The following QTMAN variants were observed in gnomAD, a reference collection of about 807,000 sequenced individuals.
The protein encoded by QTMAN is tRNA-queuosine alpha-mannosyltransferase.
chr2:144,233,518 G>A, the QTMAN span, among the ~76,000 whole-genome samples: 4 of 152,192 alleles, frequency 2.6e-5, no homozygotes, highest in Non-Finnish European at 4.4e-5. Flanking sequence ...GTGATGCTGT[G>A]AGGGTAGACC....
At chr2:144,229,357 G>T in the QTMAN span, among the ~76,000 whole-genome samples, 2 of 152,156 alleles carry the variant, frequency 1.3e-5, no homozygotes, top group African/African-American at 4.8e-5. Context: ...GCAATTCAAA[G>T]GAAAATTACA....
the QTMAN span, among the ~76,000 whole-genome samples, chr2:143,954,821 G>C: frequency 1.3e-5 from 2 of 151,464 alleles, no homozygotes; most frequent in Non-Finnish European, 2.9e-5. Context: ...CAATTCTTAG[G>C]CACTACCAGT....
chr2:144,026,387 A>G, the QTMAN span, among the ~76,000 whole-genome samples: 1 of 152,156 alleles, frequency 6.6e-6, no homozygotes, highest in Non-Finnish European at 1.5e-5. Context: ...GTGAGCCGAG[A>G]CTGCACCACT....
the QTMAN span, among the ~76,000 whole-genome samples, chr2:144,213,629 C>T: frequency 3.2e-4 from 49 of 152,226 alleles, no homozygotes; most frequent in African/African-American, 1.1e-3. Flanking sequence ...ATGGTTTTAA[C>T]GGTTTTGATC....
the QTMAN span, among the ~76,000 whole-genome samples, chr2:144,179,543 G>C: frequency 6.6e-6 from 1 of 152,108 alleles, no homozygotes; most frequent in African/African-American, 2.4e-5. Flanking sequence ...GCCAATAGTA[G>C]AAACATGAAC....
the QTMAN span, among the ~76,000 whole-genome samples, chr2:144,295,827 T>G: frequency 6.6e-6 from 1 of 151,982 alleles, no homozygotes; most frequent in Non-Finnish European, 1.5e-5. Context: ...TTGCCCAGGC[T>G]GGTCTCAAAC....
chr2:144,099,619 T>C, the QTMAN span, among the ~76,000 whole-genome samples: 3 of 152,208 alleles, frequency 2.0e-5, no homozygotes, highest in Non-Finnish European at 4.4e-5. Context: ...TCTTTCCACA[T>C]TGTATGCTTC....
the QTMAN span, among the ~76,000 whole-genome samples, chr2:144,319,003 G>A: frequency 6.6e-6 from 1 of 152,116 alleles, no homozygotes; most frequent in Admixed American, 6.6e-5. Context: ...ATACTTTGAT[G>A]TTCCAATTTC....
the QTMAN span, among the ~76,000 whole-genome samples, chr2:144,318,194 A>C: frequency 4.9e-5 from 7 of 142,026 alleles, no homozygotes; most frequent in South Asian, 1.1e-3. Context: ...TATTTAAATA[A>C]ACACACACAC....
the QTMAN span, among the ~76,000 whole-genome samples, chr2:144,306,109 T>C: frequency 6.6e-6 from 1 of 152,238 alleles, no homozygotes. Flanking sequence ...ATTCTTGCTC[T>C]GTTCCTCTTT....
chr2:144,211,174 T>G, the QTMAN span: 1 of 152,194 alleles, frequency 6.6e-6, no homozygotes, highest in African/African-American at 2.4e-5. Flanking sequence ...AGGCAGTACA[T>G]GTAGATGCTC....
At chr2:144,104,880 A>G in the QTMAN span, among the ~76,000 whole-genome samples, 1 of 152,214 alleles carries the variant, frequency 6.6e-6, no homozygotes, top group African/African-American at 2.4e-5. Context: ...CTGACACCTC[A>G]CATGGCCAGG....
chr2:143,941,651 G>A, the QTMAN span: 1 of 151,520 alleles, frequency 6.6e-6, no homozygotes, highest in Non-Finnish European at 1.5e-5. Flanking sequence ...CTCCAGCCTG[G>A]GCGACAGAGC....
the QTMAN span, chr2:143,944,776 G>C: frequency 6.6e-6 from 1 of 152,192 alleles, no homozygotes; most frequent in Non-Finnish European, 1.5e-5. Context: ...AGGAATGTTG[G>C]CCACAGCTAA....
chr2:144,177,582 T>A, the QTMAN span, among the ~76,000 whole-genome samples: 1 of 152,114 alleles, frequency 6.6e-6, no homozygotes, highest in Non-Finnish European at 1.5e-5. Context: ...GTCAACTTGG[T>A]AGACATCTGG....
chr2:144,151,177 C>T, the QTMAN span, among the ~76,000 whole-genome samples: 2 of 152,088 alleles, frequency 1.3e-5, no homozygotes, highest in Admixed American at 6.6e-5. Context: ...CACTTTGTAA[C>T]AGAAATACAT....
the QTMAN span, among the ~76,000 whole-genome samples, chr2:144,300,466 G>A: frequency 6.6e-6 from 1 of 152,124 alleles, no homozygotes; most frequent in Non-Finnish European, 1.5e-5. Context: ...TATTAAAATT[G>A]TGTACAGATG....
chr2:144,027,906 T>A, the QTMAN span, among the ~76,000 whole-genome samples: 1 of 152,190 alleles, frequency 6.6e-6, no homozygotes, highest in Non-Finnish European at 1.5e-5. Flanking sequence ...TAAATTTCAA[T>A]CTAGATTTAA....
chr2:144,296,364 A>C, the QTMAN span, among the ~76,000 whole-genome samples: 1 of 152,218 alleles, frequency 6.6e-6, no homozygotes, highest in East Asian at 1.9e-4. Flanking sequence ...AAAGGCAAAA[A>C]TTTTAACACT....
Sources: allele counts gnomAD v4.1 joint callset (sites outside exome capture counted in the v4.1 genomes callset), GRCh38; gene constraint gnomAD v4.1.1; transcripts MANE v1.5; gene names NCBI Gene and HGNC (gene_info 2026-07-23, HGNC 2026-07-21).